RBFOX3: variants seen among roughly 807,000 people sequenced by gnomAD.
RBFOX3 encodes the protein RNA binding fox-1 homolog 3.
Under a neutral mutation model 48.7 loss-of-function variants are expected in RBFOX3, and 17 were observed. That is an observed-to-expected ratio of 0.35 (90% CI 0.24 to 0.52). The LOEUF (loss-of-function observed/expected upper bound fraction) is 0.52, where lower values mean the gene tolerates loss of function less well. Among genes scored for constraint, RBFOX3 ranks in the 20% least tolerant of loss-of-function variants. The probability of loss-of-function intolerance (pLI) is 0.94; values close to 1 mark genes in which losing one functional copy is unlikely to be tolerated. For synonymous variants in RBFOX3, 212 were observed against 209.5 expected (o/e 1.01, Z -0.10); for missense variants, 382 against 497.5 (o/e 0.77, Z 2.21).
chr17:79,179,450 G>A (rs1052392109), intron 4 of RBFOX3, among the ~76,000 whole-genome samples: 3 of 152,244 alleles, frequency 2.0e-5, no homozygotes, highest in East Asian at 1.9e-4. Flanking sequence ...GAGCACACAC[G>A]GAGAGCAAAA....
chr17:79,103,106 G>T lies in RBFOX3; in HGVS notation c.507+56C>A. ...GCAGGGCTGGTTGGTTGGGGGAGCT[G>T]GGGGGCAGGTGGGCGATCTTGGGGC... On this transcript the variant is annotated intron_variant, in intron 8 of 14. Coordinates refer to ENST00000693108, the MANE Select transcript of RBFOX3 (RefSeq NM_001350451.2). This position sits in a 1 kb window ranked among gnomAD's most constrained non-coding sequence, Gnocchi z 6.1. 5 of 1,319,194 alleles carry T rather than the reference G, an allele frequency of 3.8e-6. No homozygotes were observed. The highest frequency in any genetic ancestry group is 5.3e-6 in the Non-Finnish European group (5 of 937,858). 81.7% of individuals were successfully genotyped at this position (1,319,194 alleles called of 1,614,324 possible). A position where few individuals can be genotyped will look rare whatever the true frequency, so the allele number is the denominator to read the frequency against.
At chr17:79,590,671 T>C (rs1323561870) in intron 1 of RBFOX3, among the ~76,000 whole-genome samples, 6 of 152,182 alleles carry the variant, frequency 3.9e-5, no homozygotes, top group Non-Finnish European at 8.8e-5. Flanking sequence ...AAGTTCATTC[T>C]GGCCACCTGG....
rs1387003916 is a variant in RBFOX3 at position 79,374,537 on chromosome 17, A to G, written c.-174-66713T>C. Among the ~76,000 whole-genome samples, 3 of 152,216 alleles carry G rather than the reference A, an allele frequency of 2.0e-5. No homozygotes were observed. In the East Asian group the frequency reaches 5.8e-4, roughly 29 times the overall value. On this transcript the variant is annotated intron_variant, in intron 2 of 14. Coordinates refer to ENST00000693108, the MANE Select transcript of RBFOX3 (RefSeq NM_001350451.2). ...AAACCTGGAAGGGAGGGCTTTCAAC[A>G]TTTGCTTTAATTTAAATTGAACCAG...
intron 1 of RBFOX3, among the ~76,000 whole-genome samples, chr17:79,591,069 C>T (rs2093402513): frequency 1.3e-5 from 2 of 152,178 alleles, no homozygotes; most frequent in African/African-American, 2.4e-5. Context: ...AGGGAGCTGT[C>T]GCCGCCCCTT....
At chr17:79,656,895 G>GGAAGGAAGGAA in the RBFOX3 span, among the ~76,000 whole-genome samples, 5,847 of 116,368 alleles carry the variant, frequency 0.05, 390 homozygotes, top group African/African-American at 0.062. Context: ...GAAGGAAGGA[G>GGAAGGAAGGAA]GGAAGGAAGG....
the RBFOX3 span, among the ~76,000 whole-genome samples, chr17:79,664,211 G>A: frequency 6.7e-6 from 1 of 150,008 alleles, no homozygotes; most frequent in Non-Finnish European, 1.5e-5. Flanking sequence ...GCCTCACTCT[G>A]TTGCCCAGGC....
At chr17:79,138,620 C>CAT (rs2040844862) in intron 4 of RBFOX3, among the ~76,000 whole-genome samples, 1 of 86,136 alleles carries the variant, frequency 1.2e-5, no homozygotes, top group African/African-American at 3.8e-5. Flanking sequence ...ACACATAGCA[C>CAT]GTGTTCACAC....
chr17:79,301,633 C>T (rs1482301982), intron 3 of RBFOX3, among the ~76,000 whole-genome samples: 1 of 152,194 alleles, frequency 6.6e-6, no homozygotes, highest in African/African-American at 2.4e-5. Context: ...AGTGTCAAGA[C>T]AGTCATGACA....
intron 2 of RBFOX3, among the ~76,000 whole-genome samples, chr17:79,469,826 A>G (rs1598836061): frequency 2.0e-5 from 3 of 152,316 alleles, no homozygotes; most frequent in Admixed American, 2.0e-4. Context: ...GAGAGCTCGC[A>G]TGGGGGAGCA....
At chr17:79,524,423 T>C (rs1196951586) in intron 1 of RBFOX3, among the ~76,000 whole-genome samples, 12 of 152,184 alleles carry the variant, frequency 7.9e-5, no homozygotes, top group Admixed American at 5.9e-4. Context: ...CCAATGGTTT[T>C]AAAGAGGAAA....
intron 3 of RBFOX3, among the ~76,000 whole-genome samples, chr17:79,277,220 G>A (rs748109998): frequency 6.7e-6 from 1 of 148,164 alleles, no homozygotes; most frequent in African/African-American, 2.5e-5. Context: ...GGCACAGCCT[G>A]GTTCTGCCCC....
chr17:79,497,601 C>A (rs956254622), intron 1 of RBFOX3, among the ~76,000 whole-genome samples: 8 of 152,344 alleles, frequency 5.3e-5, no homozygotes, highest in African/African-American at 1.9e-4. Context: ...AGTTCTCTGG[C>A]AGTGAGGAGA....
chr17:79,453,416 G>C (rs2073916566), intron 2 of RBFOX3, among the ~76,000 whole-genome samples: 2 of 152,184 alleles, frequency 1.3e-5, no homozygotes, highest in Admixed American at 1.3e-4. Flanking sequence ...GGCTGGCCCT[G>C]AGTGGCCAGC....
In RBFOX3 at chr17:79,392,177, A is replaced by G. The variant is rs959849083; in HGVS notation, c.-174-84353T>C. Among the ~76,000 whole-genome samples the G allele has an allele frequency of 6.6e-6, 1 of 152,122 alleles. No homozygotes were observed. Among genetic ancestry groups the G allele is most frequent in the African/African-American group, 2.4e-5 (1 of 41,430 alleles). On this transcript the variant is annotated intron_variant, in intron 2 of 14. Transcript: ENST00000693108. The surrounding 1 kb of genome is among the most constrained non-coding windows in gnomAD (Gnocchi z 5.0). Reference sequence around the variant, plus strand: ...GCACATCACAGAGCTAACAGTAAAGAAAACTGGGGCAGCCTCCTCACCCCC... The same window carrying G: ...GCACATCACAGAGCTAACAGTAAAGGAAACTGGGGCAGCCTCCTCACCCCC...
chr17:79,431,609 T>A lies in RBFOX3; in HGVS notation c.-175+50845A>T, dbSNP rs541649816. Among the ~76,000 whole-genome samples the A allele has an allele frequency of 2.6e-5, 4 of 151,842 alleles. No homozygotes were observed. The East Asian group carries it at 7.8e-4, about 29-fold the overall frequency. ...AAGTGATTCTCCTGCCTCAGCCTCC[T>A]GAGTAGCTGGGATTACAGGCATATG... On this transcript the variant is annotated intron_variant, in intron 2 of 14. Transcript: ENST00000693108.
intron 3 of RBFOX3, among the ~76,000 whole-genome samples, chr17:79,268,392 A>T (rs570364130): frequency 2.0e-5 from 3 of 152,190 alleles, no homozygotes; most frequent in Non-Finnish European, 4.4e-5. Flanking sequence ...CATGGGTCTG[A>T]GTACCACACT....
At chr17:79,627,572 G>C in the RBFOX3 span, among the ~76,000 whole-genome samples, 1 of 152,292 alleles carries the variant, frequency 6.6e-6, no homozygotes, top group South Asian at 2.1e-4. Context: ...CCCACAGCAA[G>C]CCAAAGAATA....
chr17:79,663,686 CT>C, the RBFOX3 span, among the ~76,000 whole-genome samples: 1 of 152,246 alleles, frequency 6.6e-6, no homozygotes, highest in Middle Eastern at 3.4e-3. Context: ...TTTGGCCCCC[CT>C]GACCCTCAGC....
At position 79,090,769 on chromosome 17, in the gene RBFOX3, G is replaced by GT. The variant is rs148863918; in HGVS notation, c.*113dup. On this transcript the variant is annotated 3_prime_UTR_variant, in exon 15 of 15. Transcript: ENST00000693108. ...GGTTGGATGCCTCTTGGTTTGGTTGGTTTTTTTTTTGTTGCTTGGATCTTA... is the reference window on the plus strand; with the variant it reads ...GGTTGGATGCCTCTTGGTTTGGTTGGTTTTTTTTTTTGTTGCTTGGATCTTA... 286,156 of 1,088,954 alleles carry GT rather than the reference G, an allele frequency of 0.26. 12,889 individuals carry two copies. Among genetic ancestry groups the GT allele is most frequent in the East Asian group, 0.35 (11,334 of 32,664 alleles). The allele number at this position is 1,088,954 out of a possible 1,614,324, so 67.5% of individuals were successfully genotyped here.
Sources: allele counts gnomAD v4.1 joint callset (sites outside exome capture counted in the v4.1 genomes callset), GRCh38; gene constraint gnomAD v4.1.1; non-coding constraint Gnocchi (gnomAD v3.1); transcripts MANE v1.5; gene names NCBI Gene and HGNC (gene_info 2026-07-23, HGNC 2026-07-21).